The following MUC12 variants were observed in gnomAD, a reference collection of about 807,000 sequenced individuals.
MUC12 encodes the protein mucin 12, cell surface associated.
MUC12 carries 172 observed loss-of-function variants against 230.8 expected under a neutral mutation model. The ratio of observed to expected loss-of-function variants is 0.75; its 90% CI spans 0.66 to 0.85. The LOEUF (loss-of-function observed/expected upper bound fraction) is 0.85, where lower values mean the gene tolerates loss of function less well. Ranked by LOEUF, MUC12 falls within the 40% of genes least tolerant of loss-of-function variation. The pLI is 0.00. For missense variants in MUC12, 3,506 were observed against 5,920.6 expected (o/e 0.59, Z 13.38); for synonymous variants, 1,259 against 2,401.9 (o/e 0.52, Z 13.91).
At chr7:101,017,708 T>G in intron 11 of MUC12, 45 bp downstream of exon 11, 2 of 1,398,986 alleles carry the variant, frequency 1.4e-6, no homozygotes, top group East Asian at 2.5e-5. Context: ...GCTGCTCCAC[T>G]TCCTCTGGGG....
chr7:101,005,477 T>C lies in MUC12; in HGVS notation c.14914T>C (p.Ser4972Pro). ...TTFHTSPSFT[S>P]TIVSTESLET... ...CTTCCACACCAGTCCAAGCTTCACT[T>C]CTACAATTGTGTCTACTGAAAGCCT... is the stretch of plus-strand genomic sequence containing the variant. The change falls in exon 2 of 12, where the codon TCT (serine) becomes CCT (proline). Residue 4972 changes from serine to proline, a missense_variant. Coordinates refer to ENST00000536621, the MANE Select transcript of MUC12 (RefSeq NM_001164462.2). 6.5e-7 allele frequency: 1 copy of C among 1,537,694 alleles called. No individual in the cohort carries two copies. The highest frequency in any genetic ancestry group is 8.7e-7 in the Non-Finnish European group (1 of 1,146,974).
rs1793330547 is a variant in MUC12 at position 100,992,134 on chromosome 7, C to A, written c.1571C>A (p.Ser524Tyr). The A allele has an allele frequency of 6.5e-7, 1 of 1,537,844 alleles. No individual in the cohort carries two copies. The highest frequency in any genetic ancestry group is 1.4e-5 in the African/African-American group (1 of 73,046). The change falls in exon 2 of 12, where the codon TCC becomes TAC. Residue 524 changes from serine (S) to tyrosine (Y), a missense_variant. By Grantham distance (144) the Ser-to-Tyr change is moderately radical. Transcript: ENST00000536621. Reference protein sequence around the residue: ...SSGVSEESTTSHSRPGSTHTT... With the variant: ...SSGVSEESTTYHSRPGSTHTT... ...GGCGTCAGTGAAGAATCCACCACCT[C>A]CCACAGCCGACCAGGCTCAACACAC...
In MUC12 at chr7:100,995,970, A is replaced by G; in HGVS notation, c.5407A>G (p.Ser1803Gly). 2.3e-6 allele frequency: 2 copies of G among 873,634 alleles called. No homozygotes were observed. Among genetic ancestry groups the G allele is most frequent in the Non-Finnish European group, 3.3e-6 (2 of 604,658 alleles). 54.1% of individuals were successfully genotyped at this position (873,634 alleles called of 1,614,324 possible). A position where few individuals can be genotyped will look rare whatever the true frequency, so the allele number is the denominator to read the frequency against. Reference sequence around the variant, plus strand: ...TGAAGAATCAAGAACTTCCCACAGCAGCACAACACACACAATATCTTCACC... The same window carrying G: ...TGAAGAATCAAGAACTTCCCACAGCGGCACAACACACACAATATCTTCACC... ...RSEESRTSHSSTTHTISSPPS... is the reference protein window; with the variant it reads ...RSEESRTSHSGTTHTISSPPS... Residue 1803 changes from serine to glycine, a missense_variant, in exon 2 of 12, where the codon AGC becomes GGC. By Grantham distance (56) the Ser-to-Gly change is moderately conservative (BLOSUM62 0). Transcript: ENST00000536621.
intron 1 of MUC12, among the ~76,000 whole-genome samples, chr7:100,973,365 G>T (rs1159186475): frequency 6.6e-6 from 1 of 152,260 alleles, no homozygotes; most frequent in Non-Finnish European, 1.5e-5. Context: ...GGAGTTTGGG[G>T]TGATGGTGAA....
intron 1 of MUC12, chr7:100,972,298 G>A: frequency 1.5e-6 from 1 of 688,682 alleles, no homozygotes; most frequent in Non-Finnish European, 2.6e-6. Context: ...GTGGATTTGT[G>A]TCCTGCGCCC....
At chr7:100,975,031 T>TCTCCAGTC in intron 1 of MUC12, among the ~76,000 whole-genome samples, 1 of 152,412 alleles carries the variant, frequency 6.6e-6, no homozygotes, top group South Asian at 2.1e-4. Flanking sequence ...GGTCTCCAGT[T>TCTCCAGTC]GGGCCTGTTG....
intron 9 of MUC12, among the ~76,000 whole-genome samples, chr7:101,014,908 A>G (rs1055011258): frequency 6.6e-6 from 1 of 152,142 alleles, no homozygotes; most frequent in African/African-American, 2.4e-5. Flanking sequence ...TCAGCCTACA[A>G]AGTTGTTGGG....
At chr7:101,010,872 A>T (rs1035540124) in intron 5 of MUC12, among the ~76,000 whole-genome samples, 2 of 151,610 alleles carry the variant, frequency 1.3e-5, no homozygotes, top group African/African-American at 2.4e-5. Context: ...CTGGTCTCAA[A>T]CTCCTGGGTT....
At chr7:100,980,047 T>C (rs2116274747) in intron 1 of MUC12, among the ~76,000 whole-genome samples, 1 of 150,442 alleles carries the variant, frequency 6.6e-6, no homozygotes. Flanking sequence ...TTTTTCGTTG[T>C]TGTTGTTTTG....
At chr7:101,013,413 CTCTA>C (rs1793867121) in intron 8 of MUC12, among the ~76,000 whole-genome samples, 1 of 152,182 alleles carries the variant, frequency 6.6e-6, no homozygotes, top group Non-Finnish European at 1.5e-5. Flanking sequence ...CTATCTCTAT[CTCTA>C]TCTTTGTCTG....
rs1253032790 is a variant in MUC12 at position 101,002,829 on chromosome 7, C to A, written c.12266C>A (p.Thr4089Lys). Reference sequence around the variant, plus strand: ...CAGAGCTGGCCAAGCTCAAGTGACACAACACCTTCACCTCCCAGCACCACA... The same window carrying A: ...CAGAGCTGGCCAAGCTCAAGTGACAAAACACCTTCACCTCCCAGCACCACA... Reference protein sequence around the residue: ...TFQSWPSSSDTTPSPPSTTAV... With the variant: ...TFQSWPSSSDKTPSPPSTTAV... The change falls in exon 2 of 12, where the codon ACA becomes AAA. Residue 4089 changes from threonine to lysine, a missense_variant. By Grantham distance (78) the Thr-to-Lys change is moderately conservative. Coordinates refer to ENST00000536621, the MANE Select transcript of MUC12 (RefSeq NM_001164462.2). The A allele has an allele frequency of 2.9e-5, 31 of 1,072,278 alleles. No individual in the cohort carries two copies. Among genetic ancestry groups the A allele is most frequent in the Non-Finnish European group, 3.8e-5 (30 of 783,490 alleles). The allele number at this position is 1,072,278 out of a possible 1,614,324, so 66.4% of individuals were successfully genotyped here.
At chr7:101,013,485 A>G (rs2116360298) in intron 8 of MUC12, among the ~76,000 whole-genome samples, 1 of 152,196 alleles carries the variant, frequency 6.6e-6, no homozygotes, top group East Asian at 1.9e-4. Flanking sequence ...ATCTGTCTAT[A>G]TTGTTAATTT....
chr7:100,991,653 A>G lies in MUC12; in HGVS notation c.1090A>G (p.Ser364Gly), dbSNP rs1333858063. Residue 364 changes from serine to glycine, a missense_variant, in exon 2 of 12, where the codon AGC becomes GGC. Ser to Gly is a moderately conservative substitution (Grantham distance 56). Transcript: ENST00000536621. Reference protein sequence around the residue: ...HVEESTAYHRSPGSTQTMHFP... With the variant: ...HVEESTAYHRGPGSTQTMHFP... ...TGAAGAATCTACAGCCTACCACAGG[A>G]GCCCGGGCTCAACTCAAACAATGCA... The G allele has an allele frequency of 1.4e-5, 22 of 1,537,106 alleles. No individual in the cohort carries two copies. The highest frequency in any genetic ancestry group is 3.3e-4 in the Middle Eastern group (2 of 6,018).
At chr7:100,973,041 G>A (rs1344095816) in intron 1 of MUC12, 6 of 682,416 alleles carry the variant, frequency 8.8e-6, no homozygotes, top group African/African-American at 3.9e-5. Context: ...GTGTGGTGGT[G>A]CTGGTGCATT....
In MUC12 at chr7:100,991,111, G is replaced by C. The variant is rs370245340; in HGVS notation, c.548G>C (p.Ser183Thr). The change falls in exon 2 of 12, where the codon AGT (serine) becomes ACT (threonine). Residue 183 changes from serine to threonine, a missense_variant. Coordinates refer to ENST00000536621, the MANE Select transcript of MUC12 (RefSeq NM_001164462.2). ...ACGCACACAATAGCGTTCCCTGACA[G>C]TACCACCATGCCAGGCGTCAGTCAG... ...GPTHTIAFPD[S>T]TTMPGVSQES... is the part of the protein sequence containing the mutation. 48 of 1,537,428 alleles carry C rather than the reference G, an allele frequency of 3.1e-5. No individual in the cohort carries two copies. The highest frequency in any genetic ancestry group is 4.1e-5 in the Non-Finnish European group (47 of 1,146,868).
Position 100,993,601 on chromosome 7 carries a change from C to A in MUC12, c.3038C>A (p.Ala1013Asp), listed in dbSNP as rs1187400948. The change falls in exon 2 of 12, where the codon GCC (alanine) becomes GAC (aspartate). Residue 1013 changes from alanine to aspartate, a missense_variant. Transcript: ENST00000536621. ...TTPSPPSTATAPVEESTTYHR... is the reference protein window; with the variant it reads ...TTPSPPSTATDPVEESTTYHR... Reference sequence around the variant, plus strand: ...CCTTCACCTCCTAGCACCGCAACAGCCCCTGTTGAAGAATCTACAACCTAC... The same window carrying A: ...CCTTCACCTCCTAGCACCGCAACAGACCCTGTTGAAGAATCTACAACCTAC... 3 of 934,232 alleles carry A rather than the reference C, an allele frequency of 3.2e-6. 1 individual carries two copies. The Admixed American group carries it at 7.4e-5, about 23-fold the overall frequency. The allele number at this position is 934,232 out of a possible 1,614,324, so 57.9% of individuals were successfully genotyped here.
chr7:101,004,322 A>C lies in MUC12; in HGVS notation c.13759A>C (p.Thr4587Pro). ...CAGCAGCCCAGTTGCAACTGCAACAACACCCTCGCCTGCCCGCTCCACAAC... is the reference window on the plus strand; with the variant it reads ...CAGCAGCCCAGTTGCAACTGCAACACCACCCTCGCCTGCCCGCTCCACAAC... ...VHSSPVATAT[T>P]PSPARSTTSG... The change falls in exon 2 of 12, where the codon ACA becomes CCA. Residue 4587 changes from threonine (T) to proline (P), a missense_variant. Physicochemically the swap from Thr to Pro is conservative, Grantham distance 38 (BLOSUM62 -1). Transcript: ENST00000536621. 4 of 1,184,168 alleles carry C rather than the reference A, an allele frequency of 3.4e-6. No homozygotes were observed. The highest frequency in any genetic ancestry group is 4.5e-6 in the Non-Finnish European group (4 of 887,408). The allele number at this position is 1,184,168 out of a possible 1,614,324, so 73.4% of individuals were successfully genotyped here. A position where few individuals can be genotyped will look rare whatever the true frequency, so the allele number is the denominator to read the frequency against.
rs1318274524 is a variant in MUC12 at position 100,991,949 on chromosome 7, T to G, written c.1386T>G (p.Val462=). The change falls in exon 2 of 12, where the codon GTT becomes GTG. Residue 462 remains valine (V), a synonymous_variant. Coordinates refer to ENST00000536621, the MANE Select transcript of MUC12 (RefSeq NM_001164462.2). ...LPAGSTPSVL[V]GDSTPSPISS... ...CCGGCTCTACACCCTCAGTTCTTGTTGGAGACTCGACGCCCTCACCCATCA... is the reference window on the plus strand; with the variant it reads ...CCGGCTCTACACCCTCAGTTCTTGTGGGAGACTCGACGCCCTCACCCATCA... 3.3e-6 allele frequency: 5 copies of G among 1,537,758 alleles called. No homozygotes were observed. The highest frequency in any genetic ancestry group is 2.0e-5 in the Admixed American group (1 of 50,962).
chr7:101,016,719 G>A (rs968207083), intron 10 of MUC12, among the ~76,000 whole-genome samples: 8 of 151,506 alleles, frequency 5.3e-5, no homozygotes, highest in African/African-American at 1.7e-4. Flanking sequence ...GAGAGGAGAC[G>A]CAGCCTGGTG....
Sources: gnomAD v4.1 joint callset for allele counts (sites outside exome capture counted in the v4.1 genomes callset) on GRCh38, gnomAD v4.1.1 for gene constraint, MANE v1.5 for transcripts, NCBI Gene and HGNC (gene_info 2026-07-23, HGNC 2026-07-21) for gene names.